Variants in ZMAT4 observed in about 807,000 individuals in gnomAD.
ZMAT4 encodes zinc finger matrin-type 4, also known as zinc finger matrin-type protein 4.
A neutral mutation model predicts 28.7 loss-of-function variants in ZMAT4; 17 were observed. The ratio of observed to expected loss-of-function variants is 0.59; its 90% CI spans 0.41 to 0.89. The LOEUF is 0.89. Among genes scored for constraint, ZMAT4 ranks in the 40% least tolerant of loss-of-function variants. The pLI is 0.00. For missense variants in ZMAT4, 240 were observed against 283.8 expected (o/e 0.85, Z 1.11); for synonymous variants, 117 against 109.2 (o/e 1.07, Z -0.44).
At chr8:40,658,619 TACACACACACACAC>T (rs3038825) in intron 5 of ZMAT4, among the ~76,000 whole-genome samples, 69 of 145,592 alleles carry the variant, frequency 4.7e-4, no homozygotes, top group Admixed American at 4.8e-4. Context: ...GTTAGACACA[TACACACACACACAC>T]ACACACACAC....
At chr8:40,821,457 C>T (rs953177128) in intron 2 of ZMAT4, among the ~76,000 whole-genome samples, 6 of 151,892 alleles carry the variant, frequency 4.0e-5, no homozygotes, top group Middle Eastern at 3.2e-3. Context: ...AATAAAAATG[C>T]CTCTATGTTC....
intron 3 of ZMAT4, among the ~76,000 whole-genome samples, chr8:40,764,002 AG>A (rs1417165746): frequency 1.3e-5 from 2 of 151,858 alleles, no homozygotes; most frequent in African/African-American, 2.4e-5. Flanking sequence ...AAAAAAACCC[AG>A]GTAAAACTAA....
intron 4 of ZMAT4, among the ~76,000 whole-genome samples, chr8:40,684,932 A>G (rs1809334233): frequency 6.6e-6 from 1 of 152,086 alleles, no homozygotes; most frequent in African/African-American, 2.4e-5. Flanking sequence ...TTCTCTATTG[A>G]ACCTCCATTT....
intron 1 of ZMAT4, among the ~76,000 whole-genome samples, chr8:40,837,313 G>A (rs1421050329): frequency 2.0e-5 from 3 of 152,188 alleles, no homozygotes; most frequent in Admixed American, 6.5e-5. Flanking sequence ...TGGTAAAGAA[G>A]GCAGGGTCTC....
chr8:40,895,933 G>C (rs957752854), intron 1 of ZMAT4, among the ~76,000 whole-genome samples: 1 of 152,154 alleles, frequency 6.6e-6, no homozygotes, highest in Non-Finnish European at 1.5e-5. Context: ...CATGCCCACC[G>C]GCTGGGAAAA....
At chr8:40,870,337 C>T (rs1179600803) in intron 1 of ZMAT4, among the ~76,000 whole-genome samples, 1 of 152,164 alleles carries the variant, frequency 6.6e-6, no homozygotes, top group East Asian at 1.9e-4. Flanking sequence ...ATCATCTGAC[C>T]CTTCCTCAAG....
chr8:40,861,024 CT>C (rs1380981744), intron 1 of ZMAT4, among the ~76,000 whole-genome samples: 3 of 152,188 alleles, frequency 2.0e-5, no homozygotes, highest in African/African-American at 7.2e-5. Context: ...CCCTCCTAAT[CT>C]AAATTCAGAG....
rs542845653 is a variant in ZMAT4 at position 40,747,005 on chromosome 8, C to T, written c.192+20636G>A. On this transcript the variant is annotated intron_variant, in intron 3 of 6. Coordinates refer to ENST00000297737, the MANE Select transcript of ZMAT4 (RefSeq NM_024645.3). ...TCTCCCCACGTGCTCTCCCAGGGAC[C>T]GTGACCCTTCATCCATAGCACTTAT... Among the ~76,000 whole-genome samples, 163 of 152,282 alleles carry T rather than the reference C, an allele frequency of 1.1e-3. 1 individual carries two copies. Among genetic ancestry groups the T allele is most frequent in the African/African-American group, 3.7e-3 (154 of 41,542 alleles).
intron 6 of ZMAT4, among the ~76,000 whole-genome samples, chr8:40,577,092 G>C (rs1373252003): frequency 6.6e-6 from 1 of 152,154 alleles, no homozygotes; most frequent in African/African-American, 2.4e-5. Context: ...TACCTGGGAG[G>C]CTGAGACAGG....
chr8:40,865,664 A>G (rs1040756646), intron 1 of ZMAT4, among the ~76,000 whole-genome samples: 2 of 152,168 alleles, frequency 1.3e-5, no homozygotes, highest in African/African-American at 2.4e-5. Flanking sequence ...TTCTACTGGC[A>G]CTCAGAAGAA....
intron 6 of ZMAT4, among the ~76,000 whole-genome samples, chr8:40,559,580 T>C (rs1803663355): frequency 6.6e-6 from 1 of 152,200 alleles, no homozygotes; most frequent in African/African-American, 2.4e-5. Flanking sequence ...GAGGCAATGC[T>C]TCCCAACCTG....
chr8:40,764,990 C>A (rs1348512253), intron 3 of ZMAT4, among the ~76,000 whole-genome samples: 2 of 146,414 alleles, frequency 1.4e-5, no homozygotes, highest in East Asian at 5.4e-4. Context: ...TACCACCATG[C>A]CTGGCTAATT....
At chr8:40,893,299 T>C (rs1586237804) in intron 1 of ZMAT4, among the ~76,000 whole-genome samples, 1 of 152,310 alleles carries the variant, frequency 6.6e-6, no homozygotes, top group East Asian at 1.9e-4. Flanking sequence ...CTGTAGCATC[T>C]GCAGTGGGAT....
rs542418547 is a variant in ZMAT4 at position 40,872,656 on chromosome 8, C to T, written c.-5+25027G>A. 2.8e-4 allele frequency among the ~76,000 whole-genome samples: 42 copies of T among 152,246 alleles called. No individual in the cohort carries two copies. In the Middle Eastern group the frequency reaches 0.017, roughly 62 times the overall value. ...GTACTCCTTCCAGCAGTCCCTCACT[C>T]CACACCCCCTCAGATAATGCCCGAA... On this transcript the variant is annotated intron_variant, in intron 1 of 6. Transcript: ENST00000297737.
intron 5 of ZMAT4, among the ~76,000 whole-genome samples, chr8:40,635,853 C>T (rs1217469145): frequency 6.6e-6 from 1 of 152,148 alleles, no homozygotes; most frequent in African/African-American, 2.4e-5. Context: ...TGAAAGGCAA[C>T]ATTTTAAAAG....
intron 6 of ZMAT4, among the ~76,000 whole-genome samples, chr8:40,543,010 T>G (rs1237055854): frequency 6.6e-6 from 1 of 152,184 alleles, no homozygotes; most frequent in Non-Finnish European, 1.5e-5. Context: ...AGCTCCAAGT[T>G]CAGCAGTTTC....
chr8:40,729,238 A>G (rs547626589), intron 3 of ZMAT4, among the ~76,000 whole-genome samples: 69 of 152,306 alleles, frequency 4.5e-4, no homozygotes, highest in African/African-American at 1.6e-3. Flanking sequence ...GTCAGCAACA[A>G]TTCTGTACTC....
chr8:40,636,508 C>T (rs2118745311), intron 5 of ZMAT4, among the ~76,000 whole-genome samples: 1 of 152,292 alleles, frequency 6.6e-6, no homozygotes, highest in Admixed American at 6.5e-5. Context: ...CAAATGCCTC[C>T]ACATTTCTAC....
At chr8:40,632,207 G>T (rs566752526) in intron 5 of ZMAT4, among the ~76,000 whole-genome samples, 1 of 152,312 alleles carries the variant, frequency 6.6e-6, no homozygotes, top group African/African-American at 2.4e-5. Context: ...CTTGTTTTTA[G>T]ATGCAAGGAT....
Sources: allele counts gnomAD v4.1 joint callset (sites outside exome capture counted in the v4.1 genomes callset), GRCh38; gene constraint gnomAD v4.1.1; transcripts MANE v1.5; gene names NCBI Gene and HGNC (gene_info 2026-07-23, HGNC 2026-07-21).